ACOXL: variants seen among roughly 807,000 people sequenced by gnomAD.
The protein encoded by ACOXL is acyl-CoA oxidase like, also known as acyl-coenzyme A oxidase-like protein.
ACOXL carries 70 observed loss-of-function variants against 71.9 expected under a neutral mutation model. That is an observed-to-expected ratio of 0.97 (90% CI 0.80 to 1.19). ACOXL has a LOEUF of 1.19. Among genes scored for constraint, ACOXL ranks in the 50% most tolerant of loss-of-function variants. The probability of loss-of-function intolerance (pLI) is 0.00; values close to 1 mark genes in which losing one functional copy is unlikely to be tolerated. For missense variants in ACOXL, 703 were observed against 736.3 expected, an observed-to-expected ratio of 0.95 and a Z score of 0.52; for synonymous variants, 253 against 281.6, an observed-to-expected ratio of 0.90 and a Z score of 1.02.
chr2:110,858,776 G>A (rs758539084), intron 10 of ACOXL, among the ~76,000 whole-genome samples: 11 of 152,164 alleles, frequency 7.2e-5, no homozygotes, highest in Non-Finnish European at 1.5e-4. Flanking sequence ...AAAATATCAC[G>A]GTGCCAGGCA....
chr2:110,866,206 C>T (rs1694567134), intron 10 of ACOXL, among the ~76,000 whole-genome samples: 1 of 152,076 alleles, frequency 6.6e-6, no homozygotes, highest in African/African-American at 2.4e-5. Context: ...TGGGGCAAGC[C>T]AGGCATGGGA....
At chr2:110,829,235 A>G (rs1361101416) in intron 9 of ACOXL, among the ~76,000 whole-genome samples, 1 of 152,102 alleles carries the variant, frequency 6.6e-6, no homozygotes, top group African/African-American at 2.4e-5. Flanking sequence ...GTAGTTTTCT[A>G]TCTGCTGAAC....
chr2:110,878,459 T>A (rs986521853), intron 10 of ACOXL, among the ~76,000 whole-genome samples: 1 of 152,208 alleles, frequency 6.6e-6, no homozygotes, highest in African/African-American at 2.4e-5. Flanking sequence ...GTTGAATTGA[T>A]ATGCAAGAAA....
At chr2:110,751,241 C>T (rs1678916980) in intron 1 of ACOXL, among the ~76,000 whole-genome samples, 2 of 142,740 alleles carry the variant, frequency 1.4e-5, no homozygotes, top group Non-Finnish European at 1.5e-5. Flanking sequence ...GCGGAGCTTG[C>T]AGTGAGCCGA....
chr2:111,046,559 G>A (rs1176971616), intron 15 of ACOXL, among the ~76,000 whole-genome samples: 4 of 152,162 alleles, frequency 2.6e-5, no homozygotes, highest in African/African-American at 9.7e-5. Flanking sequence ...ATGGTGGCAG[G>A]AAGGAAAAGT....
At chr2:110,898,571 G>A (rs1455526516) in intron 10 of ACOXL, among the ~76,000 whole-genome samples, 1 of 152,158 alleles carries the variant, frequency 6.6e-6, no homozygotes. Context: ...ATTCAAGGAA[G>A]ACTAAAGAGG....
intron 11 of ACOXL, among the ~76,000 whole-genome samples, chr2:110,915,407 C>CATATAT (rs776643074): frequency 1.6e-5 from 1 of 60,918 alleles, no homozygotes; most frequent in African/African-American, 4.9e-5. Context: ...TGTGTATATA[C>CATATAT]ATATATATAT....
chr2:110,898,746 A>C (rs893050916), intron 10 of ACOXL, among the ~76,000 whole-genome samples: 11 of 152,234 alleles, frequency 7.2e-5, no homozygotes, highest in Admixed American at 1.3e-4. Context: ...CCAGTGCAAT[A>C]GGCAAGAAAA....
At chr2:110,788,480 G>A (rs1482845062) in intron 3 of ACOXL, among the ~76,000 whole-genome samples, 1 of 152,148 alleles carries the variant, frequency 6.6e-6, no homozygotes, top group Non-Finnish European at 1.5e-5. Flanking sequence ...AGAGGTTGGA[G>A]GGAGGGGAGA....
chr2:110,982,614 C>A (rs2062758799), intron 12 of ACOXL, among the ~76,000 whole-genome samples: 1 of 152,188 alleles, frequency 6.6e-6, no homozygotes, highest in African/African-American at 2.4e-5. Context: ...TTCTCATACC[C>A]ATGGGTGACC....
At chr2:110,772,170 G>A (rs1289850742) in intron 2 of ACOXL, among the ~76,000 whole-genome samples, 1 of 152,196 alleles carries the variant, frequency 6.6e-6, no homozygotes, top group Non-Finnish European at 1.5e-5. Context: ...TATACAATTA[G>A]TGAGTTGTAT....
At chr2:110,950,208 A>G (rs988792254) in intron 12 of ACOXL, among the ~76,000 whole-genome samples, 11 of 152,056 alleles carry the variant, frequency 7.2e-5, no homozygotes, top group Admixed American at 2.6e-4. Context: ...ATGTCTTTTG[A>G]TGTTAATTTG....
chr2:110,861,665 G>A (rs1693971463), intron 10 of ACOXL, among the ~76,000 whole-genome samples: 1 of 152,154 alleles, frequency 6.6e-6, no homozygotes, highest in African/African-American at 2.4e-5. Context: ...CTACAAAGAT[G>A]GAACAAAAGC....
At chr2:111,017,151 G>A (rs548897242) in intron 14 of ACOXL, among the ~76,000 whole-genome samples, 1 of 152,330 alleles carries the variant, frequency 6.6e-6, no homozygotes, top group East Asian at 1.9e-4. Context: ...CCTGATTAGG[G>A]AGCAGACTTG....
chr2:110,991,748 C>G (rs1264822658), intron 13 of ACOXL, among the ~76,000 whole-genome samples: 1 of 152,022 alleles, frequency 6.6e-6, no homozygotes, highest in Non-Finnish European at 1.5e-5. Flanking sequence ...CATCTTAAAG[C>G]TTGAAAACAC....
chr2:110,808,907 C>A (rs1464968721), intron 9 of ACOXL, among the ~76,000 whole-genome samples: 1 of 152,242 alleles, frequency 6.6e-6, no homozygotes, highest in Non-Finnish European at 1.5e-5. Context: ...CCAGCCTCAT[C>A]CACTGCTGTG....
At position 110,742,448 on chromosome 2, in the gene ACOXL, GAT is replaced by G. The variant is rs201194689; in HGVS notation, c.-23+9679_-23+9680del. Among the ~76,000 whole-genome samples, 1,386 of 152,286 alleles carry G rather than the reference GAT, an allele frequency of 9.1e-3. 10 individuals carry two copies. Among genetic ancestry groups the G allele is most frequent in the Non-Finnish European group, 0.016 (1,080 of 68,018 alleles). ...TTTCCTTGGCAAGAAATTTTGGGGT[GAT>G]ATATTGTTATATTAATAACTTGCTT... On this transcript the variant is annotated intron_variant, in intron 1 of 17. Transcript: ENST00000439055.
intron 14 of ACOXL, among the ~76,000 whole-genome samples, chr2:111,007,059 T>G (rs942203009): frequency 1.3e-5 from 2 of 152,114 alleles, no homozygotes; most frequent in African/African-American, 2.4e-5. Flanking sequence ...AAGGAAGAAG[T>G]TACACTCCTG....
intron 2 of ACOXL, among the ~76,000 whole-genome samples, chr2:110,773,112 A>G (rs932446576): frequency 1.3e-5 from 2 of 152,222 alleles, no homozygotes; most frequent in Admixed American, 6.5e-5. Flanking sequence ...TTTTCTCAGG[A>G]AGCTCAGTCT....
Sources: allele counts gnomAD v4.1 joint callset (sites outside exome capture counted in the v4.1 genomes callset), GRCh38; gene constraint gnomAD v4.1.1; transcripts MANE v1.5; gene names NCBI Gene and HGNC (gene_info 2026-07-23, HGNC 2026-07-21).